GPR107: variants seen among roughly 807,000 people sequenced by gnomAD.
GPR107 encodes the protein G protein-coupled receptor 107, also known as protein GPR107.
A neutral mutation model predicts 75.5 loss-of-function variants in GPR107; 31 were observed. The ratio of observed to expected loss-of-function variants is 0.41; its 90% CI spans 0.31 to 0.55. GPR107 has a LOEUF of 0.55. GPR107 is among the 20% of genes least tolerant of loss of function. The probability of loss-of-function intolerance (pLI) is 0.26; values close to 1 mark genes in which losing one functional copy is unlikely to be tolerated. For missense variants in GPR107, 572 were observed against 665.7 expected, an observed-to-expected ratio of 0.86 and a Z score of 1.55; for synonymous variants, 267 against 251.3, an observed-to-expected ratio of 1.06 and a Z score of -0.59.
intron 17 of GPR107, among the ~76,000 whole-genome samples, chr9:130,132,609 A>C (rs1831853588): frequency 6.6e-6 from 1 of 152,110 alleles, no homozygotes. Context: ...CAACATGGTG[A>C]AACCACATCT....
chr9:130,073,287 A>G (rs1202276268), intron 1 of GPR107, among the ~76,000 whole-genome samples: 4 of 152,182 alleles, frequency 2.6e-5, no homozygotes, highest in African/African-American at 7.2e-5. Context: ...TAAGGCATCC[A>G]TTTATGTAGT....
At position 130,139,940 on chromosome 9, in the gene GPR107, C is replaced by T. The variant is rs8503; in HGVS notation, c.*4819C>T. ...GACATATTTAATCCAGAAATAGTTT[C>T]GTTTGAGGGAGGGCTTGCAGGTCTG... On this transcript the variant is annotated 3_prime_UTR_variant, in exon 18 of 18. Transcript: ENST00000347136. 19,655 of 152,096 alleles carry T rather than the reference C, an allele frequency of 0.13. 1,550 individuals carry two copies. The highest frequency in any genetic ancestry group is 0.31 in the East Asian group (1,609 of 5,166). 9.4% of individuals were successfully genotyped at this position (152,096 alleles called of 1,614,324 possible). A position where few individuals can be genotyped will look rare whatever the true frequency, so the allele number is the denominator to read the frequency against.
At chr9:130,074,407 C>T (rs945297482) in intron 1 of GPR107, among the ~76,000 whole-genome samples, 5 of 152,144 alleles carry the variant, frequency 3.3e-5, no homozygotes, top group Non-Finnish European at 4.4e-5. Context: ...AATCAAATTG[C>T]AGACTTACGG....
At chr9:130,072,655 G>A (rs536249982) in intron 1 of GPR107, among the ~76,000 whole-genome samples, 35 of 151,990 alleles carry the variant, frequency 2.3e-4, no homozygotes, top group Non-Finnish European at 4.3e-4. Context: ...TGTTTTTCAT[G>A]GCATTGTATC....
At chr9:130,125,597 C>CTTTTT (rs71387321) in intron 15 of GPR107, among the ~76,000 whole-genome samples, 2 of 103,136 alleles carry the variant, frequency 1.9e-5, no homozygotes, top group Non-Finnish European at 3.8e-5. Flanking sequence ...ATCTGAGTTC[C>CTTTTT]TTTTTTTTTT....
chr9:130,118,560 A>G (rs995172762), intron 14 of GPR107, among the ~76,000 whole-genome samples: 25 of 151,854 alleles, frequency 1.6e-4, no homozygotes, highest in African/African-American at 6.1e-4. Flanking sequence ...TGTCATGGTT[A>G]TTTTCCTCAG....
intron 10 of GPR107, among the ~76,000 whole-genome samples, chr9:130,099,868 CTTTTTTTTTTTTTTTTTTTTTTTTTTT>C (rs71387314): frequency 0.03 from 2,656 of 90,012 alleles, 64 homozygotes; most frequent in South Asian, 0.042. Flanking sequence ...GTTTCCACGA[CTTTTTTTTTTTTTTTTTTTTTTTTTTT>C]TTTTTTTTTT....
intron 12 of GPR107, among the ~76,000 whole-genome samples, chr9:130,102,843 T>G (rs1476940432): frequency 6.6e-6 from 1 of 152,176 alleles, no homozygotes; most frequent in Non-Finnish European, 1.5e-5. Flanking sequence ...TGGAGTACAG[T>G]GGTGATCATG....
rs1384216574 is a variant in GPR107, at chr9:130,091,063, T to C, written c.729+80T>C. The C allele has an allele frequency of 7.4e-6, 5 of 679,014 alleles. No individual in the cohort carries two copies. The East Asian group carries it at 1.4e-4, about 19-fold the overall frequency. 42.1% of individuals were successfully genotyped at this position (679,014 alleles called of 1,614,324 possible). On this transcript the variant is annotated intron_variant, in intron 8 of 17. Transcript: ENST00000347136. The stretch of plus-strand genomic sequence containing the variant: ...ATTTGTTTCTGTATAAGATTAGATT[T>C]TAAGAATACTTAAGAAAAGAATGTG...
chr9:130,060,024 G>C (rs1823828445), intron 1 of GPR107, among the ~76,000 whole-genome samples: 1 of 151,962 alleles, frequency 6.6e-6, no homozygotes, highest in Non-Finnish European at 1.5e-5. Context: ...ACAGGCATGA[G>C]CCACCAGGCC....
At chr9:130,056,327 C>T (rs1434982178) in intron 1 of GPR107, among the ~76,000 whole-genome samples, 1 of 61,064 alleles carries the variant, frequency 1.6e-5, no homozygotes, top group Non-Finnish European at 3.1e-5. Flanking sequence ...TGGCAGGTAC[C>T]TGTAATCCCA....
intron 14 of GPR107, among the ~76,000 whole-genome samples, chr9:130,121,286 G>T (rs555095736): frequency 1.3e-5 from 2 of 152,252 alleles, no homozygotes; most frequent in East Asian, 3.8e-4. Context: ...ATTGTCTTGG[G>T]CCACACTTAA....
intron 9 of GPR107, among the ~76,000 whole-genome samples, chr9:130,095,895 C>A (rs947298128): frequency 6.6e-6 from 1 of 152,126 alleles, no homozygotes; most frequent in African/African-American, 2.4e-5. Flanking sequence ...CCGCCAGGCG[C>A]ATTTCACTGG....
chr9:130,109,753 T>C (rs905243775), intron 14 of GPR107, among the ~76,000 whole-genome samples: 5 of 151,560 alleles, frequency 3.3e-5, no homozygotes, highest in African/African-American at 1.2e-4. Context: ...GTATTTTTAG[T>C]AGAGACAGGG....
At chr9:130,073,620 G>A (rs1190667332) in intron 1 of GPR107, among the ~76,000 whole-genome samples, 1 of 152,136 alleles carries the variant, frequency 6.6e-6, no homozygotes, top group Non-Finnish European at 1.5e-5. Context: ...AGAAAATAAG[G>A]GAAATTCCCA....
chr9:130,074,369 G>T (rs957148745), intron 1 of GPR107, among the ~76,000 whole-genome samples: 2 of 152,116 alleles, frequency 1.3e-5, no homozygotes, highest in African/African-American at 4.8e-5. Flanking sequence ...CCCAAATCTA[G>T]AAATAAAAAG....
At position 130,138,840 on chromosome 9, in the gene GPR107, G is replaced by A. The variant is rs1436696239; in HGVS notation, c.*3719G>A. ...AGGCATCCAGTCCTTACAGACCAAGGAAGAGCATAGCGATGCCTGTTGGAA... is the reference window on the plus strand; with the variant it reads ...AGGCATCCAGTCCTTACAGACCAAGAAAGAGCATAGCGATGCCTGTTGGAA... On this transcript the variant is annotated 3_prime_UTR_variant, in exon 18 of 18. Transcript: ENST00000347136. 1 of 152,176 alleles carries A rather than the reference G, an allele frequency of 6.6e-6. No individual in the cohort carries two copies. Among genetic ancestry groups the A allele is most frequent in the Non-Finnish European group, 1.5e-5 (1 of 68,052 alleles). The allele number at this position is 152,176 out of a possible 1,614,324, so 9.4% of individuals were successfully genotyped here.
chr9:130,084,045 A>AACAT (rs1300336292), intron 6 of GPR107, among the ~76,000 whole-genome samples: 1 of 14,390 alleles, frequency 6.9e-5, no homozygotes, highest in Non-Finnish European at 1.5e-4. Flanking sequence ...ACAGAGAGCT[A>AACAT]ACATATATAT....
intron 1 of GPR107, among the ~76,000 whole-genome samples, chr9:130,061,457 T>G (rs1171636273): frequency 1.3e-5 from 2 of 152,146 alleles, no homozygotes; most frequent in African/African-American, 4.8e-5. Context: ...GGGAGCATCT[T>G]CATGTTCCCA....
Sources: gnomAD v4.1 joint callset for allele counts (sites outside exome capture counted in the v4.1 genomes callset) on GRCh38, gnomAD v4.1.1 for gene constraint, MANE v1.5 for transcripts, NCBI Gene and HGNC (gene_info 2026-07-23, HGNC 2026-07-21) for gene names.